Variants in SAMTOR observed in about 807,000 individuals in gnomAD.
SAMTOR encodes the protein UPF0532 protein C7orf60.
chr7:112,909,907 C>T, the SAMTOR span, among the ~76,000 whole-genome samples: 1 of 150,668 alleles, frequency 6.6e-6, no homozygotes, highest in Non-Finnish European at 1.5e-5. Context: ...ATTCTCTTTA[C>T]CAAAAAGATG....
At chr7:112,934,262 C>T in the SAMTOR span, among the ~76,000 whole-genome samples, 3 of 152,178 alleles carry the variant, frequency 2.0e-5, no homozygotes, top group Non-Finnish European at 4.4e-5. Flanking sequence ...TATATTACAA[C>T]CCCACTGTGC....
At chr7:112,850,523 T>G in the SAMTOR span, among the ~76,000 whole-genome samples, 4 of 152,196 alleles carry the variant, frequency 2.6e-5, no homozygotes, top group South Asian at 4.1e-4. Context: ...GTGAACTTGG[T>G]CCTTGGCTTT....
chr7:112,931,273 T>C, the SAMTOR span, among the ~76,000 whole-genome samples: 36 of 151,960 alleles, frequency 2.4e-4, 2 homozygotes, highest in South Asian at 1.9e-3. Flanking sequence ...GAGCAGGGGG[T>C]TGGGACAACC....
the SAMTOR span, among the ~76,000 whole-genome samples, chr7:112,888,712 A>C: frequency 1.3e-5 from 2 of 152,134 alleles, no homozygotes; most frequent in Non-Finnish European, 2.9e-5. Context: ...TTTGGAGATA[A>C]GCCTTAGAAA....
chr7:112,872,961 A>C, the SAMTOR span, among the ~76,000 whole-genome samples: 2 of 151,854 alleles, frequency 1.3e-5, no homozygotes, highest in African/African-American at 4.8e-5. Context: ...GCACACACCC[A>C]CACACCCACA....
chr7:112,868,584 T>C, the SAMTOR span, among the ~76,000 whole-genome samples: 2 of 152,136 alleles, frequency 1.3e-5, no homozygotes, highest in Non-Finnish European at 2.9e-5. Context: ...ACCAGGAAGC[T>C]GCAGGCATTT....
the SAMTOR span, among the ~76,000 whole-genome samples, chr7:112,877,449 C>A: frequency 2.0e-5 from 3 of 152,116 alleles, no homozygotes; most frequent in East Asian, 5.8e-4. Context: ...TTGCTATTTA[C>A]CATATTAGAA....
chr7:112,927,210 C>G, the SAMTOR span, among the ~76,000 whole-genome samples: 1 of 151,904 alleles, frequency 6.6e-6, no homozygotes, highest in Admixed American at 6.6e-5. Flanking sequence ...ATTTAAAACT[C>G]CTCTACCAAC....
chr7:112,838,957 G>C, the SAMTOR span, among the ~76,000 whole-genome samples: 2 of 151,650 alleles, frequency 1.3e-5, no homozygotes, highest in Non-Finnish European at 3.0e-5. Context: ...CATAAGAAAG[G>C]ATGTCAAAGC....
At chr7:112,891,681 T>C in the SAMTOR span, among the ~76,000 whole-genome samples, 1 of 152,326 alleles carries the variant, frequency 6.6e-6, no homozygotes, top group Admixed American at 6.5e-5. Flanking sequence ...TGCATATAAG[T>C]TATGTTCCAC....
At chr7:112,904,174 C>A in the SAMTOR span, among the ~76,000 whole-genome samples, 1 of 151,868 alleles carries the variant, frequency 6.6e-6, no homozygotes, top group African/African-American at 2.4e-5. Context: ...TTACAGAAGC[C>A]CTAAAAAACA....
the SAMTOR span, among the ~76,000 whole-genome samples, chr7:112,908,782 C>T: frequency 2.6e-5 from 4 of 152,050 alleles, no homozygotes; most frequent in East Asian, 1.9e-4. Flanking sequence ...AGGTGTTACC[C>T]GGTGTAATGC....
the SAMTOR span, among the ~76,000 whole-genome samples, chr7:112,893,638 T>C: frequency 2.6e-5 from 4 of 152,234 alleles, no homozygotes; most frequent in Admixed American, 6.5e-5. Context: ...CTTTCAATTT[T>C]AAAAATAATT....
the SAMTOR span, among the ~76,000 whole-genome samples, chr7:112,856,104 T>G: frequency 6.6e-6 from 1 of 152,116 alleles, no homozygotes; most frequent in Non-Finnish European, 1.5e-5. Flanking sequence ...TAAACGAGTA[T>G]ACAACTAACT....
chr7:112,825,618 T>C, the SAMTOR span, among the ~76,000 whole-genome samples: 1 of 152,196 alleles, frequency 6.6e-6, no homozygotes, highest in South Asian at 2.1e-4. Flanking sequence ...AGATGATCGA[T>C]GACACCTGTG....
At chr7:112,846,999 T>C in the SAMTOR span, among the ~76,000 whole-genome samples, 2 of 152,224 alleles carry the variant, frequency 1.3e-5, no homozygotes, top group African/African-American at 2.4e-5. Flanking sequence ...CTCTTAGATT[T>C]ACTCTTGGTA....
At chr7:112,903,168 C>G in the SAMTOR span, among the ~76,000 whole-genome samples, 13 of 152,040 alleles carry the variant, frequency 8.6e-5, no homozygotes, top group African/African-American at 2.7e-4. Flanking sequence ...TAAAAATTAG[C>G]TGGGTGTAGT....
the SAMTOR span, among the ~76,000 whole-genome samples, chr7:112,852,438 CAG>C: frequency 6.6e-6 from 1 of 151,766 alleles, no homozygotes; most frequent in Non-Finnish European, 1.5e-5. Flanking sequence ...ATGTGGCAAA[CAG>C]AGTGAAATAA....
the SAMTOR span, among the ~76,000 whole-genome samples, chr7:112,891,653 AT>A: frequency 1.3e-5 from 2 of 152,194 alleles, no homozygotes; most frequent in Non-Finnish European, 2.9e-5. Context: ...AAGTTACAAA[AT>A]TTTTTTGGTT....
Sources: allele counts gnomAD v4.1 joint callset (sites outside exome capture counted in the v4.1 genomes callset), GRCh38; gene constraint gnomAD v4.1.1; transcripts MANE v1.5; gene names NCBI Gene and HGNC (gene_info 2026-07-23, HGNC 2026-07-21).